CPQ: variants seen among roughly 807,000 people sequenced by gnomAD.
CPQ encodes Ser-Met dipeptidase.
In CPQ, 37 loss-of-function variants were observed where a neutral mutation model predicts 45.7. The ratio of observed to expected loss-of-function variants is 0.81; its 90% CI spans 0.62 to 1.07. The LOEUF is 1.07. CPQ is among the 50% of genes least tolerant of loss of function. The pLI is 0.00. For missense variants in CPQ, 537 were observed against 572.9 expected (o/e 0.94, Z 0.64); for synonymous variants, 186 against 205.8 (o/e 0.90, Z 0.82).
intron 5 of CPQ, among the ~76,000 whole-genome samples, chr8:97,026,963 C>T (rs186719359): frequency 7.0e-4 from 107 of 151,858 alleles, no homozygotes; most frequent in African/African-American, 2.4e-3. Flanking sequence ...TAGAGAATTT[C>T]GTCATTTTAA....
intron 3 of CPQ, among the ~76,000 whole-genome samples, chr8:96,844,581 GA>G (rs1160029603): frequency 6.6e-6 from 1 of 152,178 alleles, no homozygotes. Flanking sequence ...GTTGTTGAGA[GA>G]ATTAAATGAA....
At chr8:96,953,473 A>G (rs1813302684) in intron 4 of CPQ, among the ~76,000 whole-genome samples, 1 of 152,114 alleles carries the variant, frequency 6.6e-6, no homozygotes, top group Non-Finnish European at 1.5e-5. Flanking sequence ...CAGATGAAGC[A>G]TCTAGCCCCT....
At chr8:97,036,155 A>C (rs567194715) in intron 6 of CPQ, among the ~76,000 whole-genome samples, 57 of 152,282 alleles carry the variant, frequency 3.7e-4, no homozygotes, top group African/African-American at 1.2e-3. Flanking sequence ...AGGAGGACAT[A>C]GAAATGCCGT....
At chr8:96,682,773 T>C (rs1250518634) in intron 1 of CPQ, among the ~76,000 whole-genome samples, 1 of 152,202 alleles carries the variant, frequency 6.6e-6, no homozygotes, top group Non-Finnish European at 1.5e-5. Context: ...CCTGCTTGCT[T>C]TTGGTTTCAT....
intron 1 of CPQ, among the ~76,000 whole-genome samples, chr8:96,660,566 T>C (rs988346833): frequency 3.3e-5 from 5 of 152,086 alleles, no homozygotes; most frequent in African/African-American, 1.2e-4. Context: ...AAAATACTGA[T>C]TTGGGGGTCT....
At chr8:97,084,128 A>T (rs562894848) in intron 7 of CPQ, among the ~76,000 whole-genome samples, 65 of 152,280 alleles carry the variant, frequency 4.3e-4, no homozygotes, top group African/African-American at 1.5e-3. Context: ...TATATCAAAG[A>T]AACACGAATA....
chr8:96,791,691 C>A (rs1448617365), intron 2 of CPQ, among the ~76,000 whole-genome samples: 1 of 152,196 alleles, frequency 6.6e-6, no homozygotes, highest in African/African-American at 2.4e-5. Context: ...AAAAGTCCCA[C>A]AGGAGACAGT....
chr8:97,123,765 C>CA lies in CPQ; in HGVS notation c.1256-19247dup, dbSNP rs200193545. 2.6e-3 allele frequency among the ~76,000 whole-genome samples: 388 copies of CA among 150,954 alleles called. 2 individuals carry two copies. The highest frequency in any genetic ancestry group is 8.7e-3 in the African/African-American group (360 of 41,182). The stretch of plus-strand genomic sequence containing the variant: ...GCAAGATTCAGTTATATGCTATTTA[C>CA]AAAAAAAATATTTTAAATATAAAAA... On this transcript the variant is annotated intron_variant, in intron 7 of 7. Transcript: ENST00000220763.
intron 1 of CPQ, among the ~76,000 whole-genome samples, chr8:96,741,467 T>C (rs1033854441): frequency 1.2e-4 from 18 of 152,252 alleles, no homozygotes; most frequent in Non-Finnish European, 2.2e-4. Context: ...TTTGTGTCTC[T>C]ATTTCCTTCA....
At chr8:97,072,236 G>T (rs1233613524) in intron 7 of CPQ, among the ~76,000 whole-genome samples, 1 of 152,056 alleles carries the variant, frequency 6.6e-6, no homozygotes, top group Non-Finnish European at 1.5e-5. Flanking sequence ...GAGAAAAATT[G>T]GGATTCTTTA....
At chr8:97,084,463 A>C (rs569502374) in intron 7 of CPQ, among the ~76,000 whole-genome samples, 5 of 152,170 alleles carry the variant, frequency 3.3e-5, no homozygotes, top group African/African-American at 1.2e-4. Flanking sequence ...AATTAGAACT[A>C]AACAGTTTAG....
chr8:96,969,642 CA>C (rs1207414734), intron 5 of CPQ, among the ~76,000 whole-genome samples: 3 of 151,826 alleles, frequency 2.0e-5, no homozygotes, highest in African/African-American at 7.3e-5. Context: ...TTCTGTGTGT[CA>C]TTAAAAATGA....
chr8:96,824,988 G>A lies in CPQ; in HGVS notation c.434-9985G>A, dbSNP rs140802357. 9.9e-4 allele frequency among the ~76,000 whole-genome samples: 150 copies of A among 152,094 alleles called. 1 individual carries two copies. Among genetic ancestry groups the A allele is most frequent in the African/African-American group, 3.4e-3 (143 of 41,532 alleles). On this transcript the variant is annotated intron_variant, in intron 2 of 7. Coordinates refer to ENST00000220763, the MANE Select transcript of CPQ (RefSeq NM_016134.4). ...AATATCAAGGGACATCCCCTGTGGT[G>A]GCCTTCTGTTATTTGGTACCCAGGA...
At chr8:96,684,896 G>A (rs1048453378) in intron 1 of CPQ, among the ~76,000 whole-genome samples, 4 of 151,822 alleles carry the variant, frequency 2.6e-5, no homozygotes, top group East Asian at 1.9e-4. Flanking sequence ...TCTGGAGTTC[G>A]AGACCAGCCT....
Position 96,651,364 on chromosome 8 carries a change from TA to T in CPQ, c.-35+5966del, listed in dbSNP as rs1815574206. Reference sequence around the variant, plus strand: ...TGGTCCTTGAATTCTACATCAGTATTAAAATGAAACCAAGTATATTTCAAAG... The same window carrying T: ...TGGTCCTTGAATTCTACATCAGTATTAAATGAAACCAAGTATATTTCAAAG... On this transcript the variant is annotated intron_variant, in intron 1 of 7. Coordinates refer to ENST00000220763, the MANE Select transcript of CPQ (RefSeq NM_016134.4). Among the ~76,000 whole-genome samples the T allele has an allele frequency of 4.6e-5, 7 of 152,330 alleles. No homozygotes were observed. The South Asian group carries it at 1.5e-3, about 32-fold the overall frequency.
At chr8:96,782,606 G>A (rs1218525481) in intron 1 of CPQ, among the ~76,000 whole-genome samples, 3 of 152,156 alleles carry the variant, frequency 2.0e-5, no homozygotes, top group Middle Eastern at 3.4e-3. Flanking sequence ...TGGTTGTGTG[G>A]CCACATCTTT....
intron 1 of CPQ, among the ~76,000 whole-genome samples, chr8:96,760,695 C>T (rs1224734063): frequency 6.6e-6 from 1 of 152,192 alleles, no homozygotes; most frequent in Non-Finnish European, 1.5e-5. Flanking sequence ...TTTTAGGCTA[C>T]ATTGCCTAGC....
intron 4 of CPQ, among the ~76,000 whole-genome samples, chr8:96,944,712 T>G (rs1813166981): frequency 6.6e-6 from 1 of 152,158 alleles, no homozygotes; most frequent in African/African-American, 2.4e-5. Flanking sequence ...TTTTAAAATA[T>G]TGGTTTGAAA....
chr8:96,661,985 T>G (rs772508664), intron 1 of CPQ, among the ~76,000 whole-genome samples: 6 of 152,210 alleles, frequency 3.9e-5, no homozygotes, highest in Non-Finnish European at 8.8e-5. Context: ...GCCATTCTGC[T>G]AGGTCTGTAG....
Sources: gnomAD v4.1 joint callset for allele counts (sites outside exome capture counted in the v4.1 genomes callset) on GRCh38, gnomAD v4.1.1 for gene constraint, MANE v1.5 for transcripts, NCBI Gene and HGNC (gene_info 2026-07-23, HGNC 2026-07-21) for gene names.